Variants in CNNM3 observed in about 807,000 individuals in gnomAD.
The protein encoded by CNNM3 is metal transporter CNNM3.
In CNNM3, 47 loss-of-function variants were observed where a neutral mutation model predicts 57.1. The observed-to-expected ratio is 0.82, with a 90% CI of 0.65 to 1.05. The LOEUF (loss-of-function observed/expected upper bound fraction) is 1.05. CNNM3 is among the 50% of genes least tolerant of loss of function. The pLI, the probability that CNNM3 is intolerant of heterozygous loss-of-function variation, is 0.00. For missense variants in CNNM3, 957 were observed against 973.7 expected, an observed-to-expected ratio of 0.98 and a Z score of 0.23; for synonymous variants, 507 against 478.2, an observed-to-expected ratio of 1.06 and a Z score of -0.79.
Position 96,834,930 on chromosome 2 carries a change from A to AGTT in CNNM3, c.*2315_*2317dup, listed in dbSNP as rs2153357623. 6.6e-6 allele frequency among the ~76,000 whole-genome samples: 1 copy of AGTT among 152,286 alleles called. No homozygotes were observed. The highest frequency in any genetic ancestry group is 1.9e-4 in the East Asian group (1 of 5,192). On this transcript the variant is annotated 3_prime_UTR_variant, in exon 8 of 8. Coordinates refer to ENST00000305510, the MANE Select transcript of CNNM3 (RefSeq NM_017623.5). ...TAAGGGCCCCACGCACCCTTCATCTAGTTTCCCTCCATGGTTACATCTTAT... is the reference window on the plus strand; with the variant it reads ...TAAGGGCCCCACGCACCCTTCATCTAGTTGTTTCCCTCCATGGTTACATCTTAT...
chr2:96,837,440 G>C (rs2079704422), downstream of CNNM3: 2 of 152,106 alleles, frequency 1.3e-5, no homozygotes, highest in Admixed American at 1.3e-4. Flanking sequence ...CCCTTTTTCA[G>C]CAATTGTAAA....
intron 1 of CNNM3, among the ~76,000 whole-genome samples, chr2:96,819,663 G>A (rs1445524318): frequency 1.3e-5 from 2 of 152,126 alleles, no homozygotes; most frequent in African/African-American, 2.4e-5. Context: ...AAGCACTCAC[G>A]TTTCTAGATT....
chr2:96,829,439 T>A (rs7580104), intron 7 of CNNM3: 13,331 of 168,124 alleles, frequency 0.079, 1,904 homozygotes, highest in African/African-American at 0.3. Flanking sequence ...TAGCTGGGAA[T>A]ACAGGCGCCC....
intron 1 of CNNM3, 128 bp downstream of exon 1, chr2:96,817,630 C>A: frequency 1.1e-6 from 1 of 872,312 alleles, no homozygotes; most frequent in South Asian, 1.6e-5. Context: ...CTCTAAGGTC[C>A]CTTTTCAAGA....
intron 1 of CNNM3, among the ~76,000 whole-genome samples, chr2:96,819,522 G>A (rs1056571506): frequency 6.6e-6 from 1 of 152,220 alleles, no homozygotes; most frequent in Non-Finnish European, 1.5e-5. Context: ...CTGCTGGTAG[G>A]TGAGCTGTTT....
intron 7 of CNNM3, chr2:96,832,126 G>A (rs1193217883): frequency 1.0e-6 from 1 of 999,870 alleles, no homozygotes; most frequent in Non-Finnish European, 1.2e-6. Flanking sequence ...TTCAGCTGAG[G>A]GAGGAGCAGA....
chr2:96,832,365 A>G lies in CNNM3; in HGVS notation c.2060-187A>G, dbSNP rs1303294641. 2.0e-6 allele frequency: 3 copies of G among 1,468,880 alleles called. No individual in the cohort carries two copies. The African/African-American group carries it at 4.2e-5, about 21-fold the overall frequency. 91.0% of individuals were successfully genotyped at this position (1,468,880 alleles called of 1,614,324 possible). On this transcript the variant is annotated intron_variant, in intron 7 of 7. Coordinates refer to ENST00000305510, the MANE Select transcript of CNNM3 (RefSeq NM_017623.5). ...CACAGCCCCAGCTTCCCCGTCTCCC[A>G]GGGAAGGCATCTGTTGGCTGACCAT...
At chr2:96,837,104 CTT>C (rs1413806760), downstream of CNNM3, 2 of 152,184 alleles carry the variant, frequency 1.3e-5, no homozygotes, top group African/African-American at 4.8e-5. Flanking sequence ...GCATTGCACT[CTT>C]GGTTCACATA....
At chr2:96,825,242 G>A (rs769740264) in intron 2 of CNNM3, 41 bp downstream of exon 2, 1 of 1,607,146 alleles carries the variant, frequency 6.2e-7, no homozygotes, top group Non-Finnish European at 8.5e-7. Context: ...CGCTGGGCCT[G>A]CACACTTCCC....
intron 1 of CNNM3, among the ~76,000 whole-genome samples, chr2:96,824,009 T>C (rs1217586664): frequency 2.6e-5 from 4 of 152,248 alleles, no homozygotes; most frequent in African/African-American, 7.2e-5. Flanking sequence ...TTTGACTATA[T>C]TGGGTTACTT....
Position 96,827,772 on chromosome 2 carries a change from C to G in CNNM3, c.1561C>G (p.Leu521Val). Residue 521 changes from leucine to valine, a missense_variant, in exon 4 of 8, where the codon CTG (leucine) becomes GTG (valine). Coordinates refer to ENST00000305510, the MANE Select transcript of CNNM3 (RefSeq NM_017623.5). ...FSPLRISEKV[L>V]LHLLKHPSVN... ...CCCGCTGCGCATCTCTGAGAAGGTC[C>G]TGCTGCACCTGTTGAAGCATCCCAG... 1 of 1,614,222 alleles carries G rather than the reference C, an allele frequency of 6.2e-7. No individual in the cohort carries two copies. The highest frequency in any genetic ancestry group is 8.5e-7 in the Non-Finnish European group (1 of 1,180,030).
chr2:96,825,233 G>T (rs370626650), intron 2 of CNNM3, 32 bp downstream of exon 2: 3 of 1,611,174 alleles, frequency 1.9e-6, no homozygotes, highest in Non-Finnish European at 2.5e-6. Context: ...TTCTGTCTCC[G>T]CTGGGCCTGC....
In CNNM3 at chr2:96,828,080, T is replaced by C; in HGVS notation, c.1690-19T>C. On this transcript the variant is annotated intron_variant, in intron 4 of 7. Coordinates refer to ENST00000305510, the MANE Select transcript of CNNM3 (RefSeq NM_017623.5). ...GGTAATCTGGCCGCATCTGTTTCTC[T>C]CCTTGCCACTCCTCCCAGGGCAGGG... The C allele has an allele frequency of 6.2e-7, 1 of 1,609,854 alleles. No homozygotes were observed. Among genetic ancestry groups the C allele is most frequent in the Non-Finnish European group, 8.5e-7 (1 of 1,176,306 alleles).
At chr2:96,825,501 C>A (rs17119606) in intron 2 of CNNM3, among the ~76,000 whole-genome samples, 1 of 152,222 alleles carries the variant, frequency 6.6e-6, no homozygotes, top group South Asian at 2.1e-4. Context: ...GAGCTCTGCC[C>A]TTCATGGGCC....
At position 96,816,962 on chromosome 2, in the gene CNNM3, G is replaced by T; in HGVS notation, c.685G>T (p.Ala229Ser). ...QRAVPAVLGS[A>S]GLVFLVGEVV... Reference sequence around the variant, plus strand: ...TGCGGTGCCCGCCGTGTTGGGCAGCGCGGGGCTCGTGTTCCTGGTGGGAGA... The same window carrying T: ...TGCGGTGCCCGCCGTGTTGGGCAGCTCGGGGCTCGTGTTCCTGGTGGGAGA... Residue 229 changes from alanine to serine, a missense_variant, in exon 1 of 8, where the codon GCG (alanine) becomes TCG (serine). Coordinates refer to ENST00000305510, the MANE Select transcript of CNNM3 (RefSeq NM_017623.5). The T allele has an allele frequency of 7.5e-7, 1 of 1,335,242 alleles. No individual in the cohort carries two copies. The highest frequency in any genetic ancestry group is 9.6e-7 in the Non-Finnish European group (1 of 1,036,906). 82.7% of individuals were successfully genotyped at this position (1,335,242 alleles called of 1,614,324 possible).
chr2:96,828,803 A>T (rs147409622), intron 6 of CNNM3, 103 bp downstream of exon 6: 662 of 1,518,972 alleles, frequency 4.4e-4, no homozygotes, highest in Non-Finnish European at 5.7e-4. Context: ...CCTTCCACTC[A>T]TCCTGAGGGA....
intron 1 of CNNM3, among the ~76,000 whole-genome samples, chr2:96,817,757 C>A (rs1020785108): frequency 2.6e-5 from 4 of 151,958 alleles, no homozygotes; most frequent in African/African-American, 9.7e-5. Flanking sequence ...ATAGCCCCCC[C>A]CCCCCATTTG....
Position 96,817,017 on chromosome 2 carries a change from G to C in CNNM3, c.740G>C (p.Trp247Ser). ...GTGCCGGCCGCCGTGAGCGGGCGCTGGACGCTGGCGCTGGCGCCGCGAGCG... is the reference window on the plus strand; with the variant it reads ...GTGCCGGCCGCCGTGAGCGGGCGCTCGACGCTGGCGCTGGCGCCGCGAGCG... ...EVVPAAVSGR[W>S]TLALAPRALG... The change falls in exon 1 of 8, where the codon TGG (tryptophan) becomes TCG (serine). Residue 247 changes from tryptophan (W) to serine (S), a missense_variant. Physicochemically the swap from Trp to Ser is radical, Grantham distance 177. Coordinates refer to ENST00000305510, the MANE Select transcript of CNNM3 (RefSeq NM_017623.5). The C allele has an allele frequency of 7.3e-7, 1 of 1,370,062 alleles. No individual in the cohort carries two copies. The highest frequency in any genetic ancestry group is 9.5e-7 in the Non-Finnish European group (1 of 1,056,688). 84.9% of individuals were successfully genotyped at this position (1,370,062 alleles called of 1,614,324 possible).
Position 96,834,949 on chromosome 2 carries a change from A to G in CNNM3, c.*2333A>G, listed in dbSNP as rs2079667214. ...TCATCTAGTTTCCCTCCATGGTTAC[A>G]TCTTATATGGTTGTAATGCAGTATT... On this transcript the variant is annotated 3_prime_UTR_variant, in exon 8 of 8. Coordinates refer to ENST00000305510, the MANE Select transcript of CNNM3 (RefSeq NM_017623.5). Among the ~76,000 whole-genome samples, 1 of 152,170 alleles carries G rather than the reference A, an allele frequency of 6.6e-6. No individual in the cohort carries two copies. The highest frequency in any genetic ancestry group is 1.5e-5 in the Non-Finnish European group (1 of 68,030).
Sources: allele counts gnomAD v4.1 joint callset (sites outside exome capture counted in the v4.1 genomes callset), GRCh38; gene constraint gnomAD v4.1.1; transcripts MANE v1.5; gene names NCBI Gene and HGNC (gene_info 2026-07-23, HGNC 2026-07-21).